TMC1: variants seen among roughly 807,000 people sequenced by gnomAD.
TMC1 encodes transmembrane channel like 1.
In TMC1, 84 loss-of-function variants were observed where a neutral mutation model predicts 105.8. The ratio of observed to expected loss-of-function variants is 0.79; its 90% confidence interval spans 0.67 to 0.95. The LOEUF (loss-of-function observed/expected upper bound fraction) is 0.95. Ranked by LOEUF, TMC1 falls within the 40% of genes least tolerant of loss-of-function variation. TMC1 has a pLI of 0.00. For missense variants in TMC1, 817 were observed against 914.1 expected, an observed-to-expected ratio of 0.89 and a Z score of 1.37; for synonymous variants, 315 against 311.5, an observed-to-expected ratio of 1.01 and a Z score of -0.12.
rs549843149 is a variant in TMC1 at position 72,700,850 on chromosome 9, A to G, written c.362+207A>G. ...ATATGACTCATTATATATAATGGTCACAGTCATAAACATGTATATCATATT... is the reference window on the plus strand; with the variant it reads ...ATATGACTCATTATATATAATGGTCGCAGTCATAAACATGTATATCATATT... On this transcript the variant is annotated intron_variant, in intron 8 of 23. Coordinates refer to ENST00000297784, the MANE Select transcript of TMC1 (RefSeq NM_138691.3). The G allele has an allele frequency of 2.4e-5, 5 of 206,854 alleles. No homozygotes were observed. The East Asian group carries it at 4.2e-4, about 17-fold the overall frequency. 12.8% of individuals were successfully genotyped at this position (206,854 alleles called of 1,614,324 possible).
chr9:72,744,385 C>T (rs1028314844), intron 10 of TMC1, among the ~76,000 whole-genome samples: 6 of 152,048 alleles, frequency 3.9e-5, no homozygotes, highest in Admixed American at 6.6e-5. Flanking sequence ...CAGACAAACT[C>T]GCTAAATGTC....
At chr9:72,763,261 T>C (rs1827784434) in intron 12 of TMC1, among the ~76,000 whole-genome samples, 1 of 152,184 alleles carries the variant, frequency 6.6e-6, no homozygotes, top group Non-Finnish European at 1.5e-5. Flanking sequence ...GAAGTGACCA[T>C]AGAAATGAGT....
intron 18 of TMC1, among the ~76,000 whole-genome samples, chr9:72,813,864 G>A (rs1828741391): frequency 6.6e-6 from 1 of 152,164 alleles, no homozygotes. Context: ...TCAAATGTCT[G>A]TTCTACAAAT....
chr9:72,658,029 C>T (rs1014904006), intron 5 of TMC1, among the ~76,000 whole-genome samples: 4 of 152,104 alleles, frequency 2.6e-5, no homozygotes, highest in African/African-American at 7.2e-5. Flanking sequence ...TCTACCAGCA[C>T]AGTGATTAAA....
Position 72,792,257 on chromosome 9 carries a change from A to T in TMC1, c.1471A>T (p.Asn491Tyr), listed in dbSNP as rs887241990. Residue 491 changes from asparagine to tyrosine, a missense_variant, in exon 17 of 24, where the codon AAT becomes TAT. By Grantham distance (143) the Asn-to-Tyr change is moderately radical (BLOSUM62 -2). Coordinates refer to ENST00000297784, the MANE Select transcript of TMC1 (RefSeq NM_138691.3). Reference sequence around the variant, plus strand: ...GGAAGCCAATATGATCAAGGCCTACAATGCATCATTCTCTGAAAATAGCAC... The same window carrying T: ...GGAAGCCAATATGATCAAGGCCTACTATGCATCATTCTCTGAAAATAGCAC... ...LWEANMIKAY[N>Y]ASFSENSTGP... 3 of 1,614,050 alleles carry T rather than the reference A, an allele frequency of 1.9e-6. No homozygotes were observed. In the African/African-American group the frequency reaches 4.0e-5, roughly 22 times the overall value.
intron 3 of TMC1, among the ~76,000 whole-genome samples, chr9:72,617,428 C>T (rs879586886): frequency 6.6e-6 from 1 of 152,112 alleles, no homozygotes. Context: ...TCCCAAAATG[C>T]TGGGATTACA....
Position 72,820,873 on chromosome 9 carries a change from G to T in TMC1, c.1795G>T (p.Gly599Cys). ...CTCCTTCTTTGCTCCCAGCCTCCCA[G>T]GCATCAATATCCTTCGACTCCATAC... ...MGSFFAPSLP[G>C]INILRLHTSM... Residue 599 changes from glycine (G) to cysteine (C), a missense_variant, in exon 20 of 24, where the codon GGC becomes TGC. Physicochemically the swap from Gly to Cys is radical, Grantham distance 159. Coordinates refer to ENST00000297784, the MANE Select transcript of TMC1 (RefSeq NM_138691.3). The T allele has an allele frequency of 6.2e-7, 1 of 1,614,162 alleles. No individual in the cohort carries two copies. Among genetic ancestry groups the T allele is most frequent in the Non-Finnish European group, 8.5e-7 (1 of 1,180,026 alleles).
chr9:72,807,550 C>A (rs965857098), intron 18 of TMC1, among the ~76,000 whole-genome samples: 1 of 152,112 alleles, frequency 6.6e-6, no homozygotes, highest in East Asian at 1.9e-4. Flanking sequence ...GCCCTGTAGC[C>A]CACCTTCTCC....
intron 1 of TMC1, among the ~76,000 whole-genome samples, chr9:72,526,592 T>C (rs866208785): frequency 2.6e-4 from 40 of 152,354 alleles, no homozygotes; most frequent in African/African-American, 9.4e-4. Context: ...TCCTCTCTGG[T>C]GTTTAAAAAC....
chr9:72,704,437 G>A (rs887995029), intron 8 of TMC1, among the ~76,000 whole-genome samples: 1 of 152,168 alleles, frequency 6.6e-6, no homozygotes, highest in African/African-American at 2.4e-5. Flanking sequence ...GAGACTCAGA[G>A]ATAGTTCCCA....
chr9:72,555,815 G>T (rs560805541), intron 1 of TMC1, among the ~76,000 whole-genome samples: 1 of 150,904 alleles, frequency 6.6e-6, no homozygotes, highest in African/African-American at 2.4e-5. Flanking sequence ...TAGAGATGGG[G>T]TTTCACCATA....
intron 10 of TMC1, among the ~76,000 whole-genome samples, chr9:72,744,663 G>A (rs947854385): frequency 6.6e-6 from 1 of 152,156 alleles, no homozygotes; most frequent in Non-Finnish European, 1.5e-5. Context: ...TAAAATTGTA[G>A]GGCTGAGTCT....
chr9:72,787,255 A>G (rs1012514909), intron 13 of TMC1, among the ~76,000 whole-genome samples: 9 of 152,216 alleles, frequency 5.9e-5, no homozygotes, highest in Non-Finnish European at 1.3e-4. Context: ...AAGCACACAC[A>G]ATCACCATTT....
At chr9:72,779,248 A>G (rs1828053846) in intron 13 of TMC1, among the ~76,000 whole-genome samples, 1 of 152,234 alleles carries the variant, frequency 6.6e-6, no homozygotes, top group African/African-American at 2.4e-5. Context: ...TATCACAGTC[A>G]AAACCTCAAA....
At chr9:72,715,396 A>T (rs900266919) in intron 8 of TMC1, among the ~76,000 whole-genome samples, 1 of 152,156 alleles carries the variant, frequency 6.6e-6, no homozygotes, top group African/African-American at 2.4e-5. Context: ...TTTCAGGTAC[A>T]CCAATCAAAC....
intron 5 of TMC1, among the ~76,000 whole-genome samples, chr9:72,664,350 A>G (rs1419066825): frequency 1.3e-5 from 2 of 152,188 alleles, no homozygotes; most frequent in African/African-American, 2.4e-5. Flanking sequence ...TAAACAGGAG[A>G]CAGGGAAATA....
chr9:72,696,659 G>T (rs975559170), intron 7 of TMC1, among the ~76,000 whole-genome samples: 4 of 152,116 alleles, frequency 2.6e-5, no homozygotes, highest in African/African-American at 9.7e-5. Context: ...AACCAAGGTT[G>T]TAATGCTAAC....
At chr9:72,741,341 ATGCTTATTCTTCTTTGGAGT>A (rs1308870073) in intron 9 of TMC1, 2 of 355,940 alleles carry the variant, frequency 5.6e-6, no homozygotes, top group African/African-American at 4.3e-5. Flanking sequence ...TCCTTTTCTT[ATGCTTATTCTTCTTTGGAGT>A]GGTGTAAGAC....
chr9:72,775,345 G>A (rs1164442755), intron 13 of TMC1, among the ~76,000 whole-genome samples: 1 of 150,916 alleles, frequency 6.6e-6, no homozygotes, highest in Non-Finnish European at 1.5e-5. Flanking sequence ...AGTTACATAA[G>A]TATTAAAAGC....
Sources: allele counts gnomAD v4.1 joint callset (sites outside exome capture counted in the v4.1 genomes callset), GRCh38; gene constraint gnomAD v4.1.1; transcripts MANE v1.5; gene names NCBI Gene and HGNC (gene_info 2026-07-23, HGNC 2026-07-21).